Variants in ANKMY1 observed in about 807,000 individuals in gnomAD.
ANKMY1 encodes ankyrin repeat and MYND domain-containing protein 1.
A neutral mutation model predicts 102.0 loss-of-function variants in ANKMY1; 98 were observed. The observed-to-expected ratio is 0.96, with a 90% CI of 0.82 to 1.14. ANKMY1 has a LOEUF of 1.14. ANKMY1 is among the 50% of genes most tolerant of loss of function. The probability of loss-of-function intolerance (pLI) is 0.00; values close to 1 mark genes in which losing one functional copy is unlikely to be tolerated. For synonymous variants in ANKMY1, 582 were observed against 559.9 expected (o/e 1.04, Z -0.56); for missense variants, 1,330 against 1,347.6 (o/e 0.99, Z 0.20).
chr2:240,499,189 C>T lies in ANKMY1; in HGVS notation c.2806+769G>A, dbSNP rs1041297951. ...GTGTGGGGGCGGGATCAGCAGGTTC[C>T]GGTGTGTGTGTGCACACACGTGTTA... On this transcript the variant is annotated intron_variant, in intron 15 of 17. Transcript: ENST00000401804. This position sits in a 1 kb window ranked among gnomAD's most constrained non-coding sequence, Gnocchi z 4.2. Among the ~76,000 whole-genome samples the T allele has an allele frequency of 6.6e-6, 1 of 152,020 alleles. No homozygotes were observed. The highest frequency in any genetic ancestry group is 2.4e-5 in the African/African-American group (1 of 41,368).
At chr2:240,470,871 T>C in the ANKMY1 span, among the ~76,000 whole-genome samples, 1 of 152,008 alleles carries the variant, frequency 6.6e-6, no homozygotes, top group Admixed American at 6.5e-5. Context: ...AAAAACCTCA[T>C]GTGCTGAAAA....
chr2:240,496,352 TTAGATAGATAGA>T (rs55671912), intron 15 of ANKMY1, among the ~76,000 whole-genome samples: 53,239 of 147,294 alleles, frequency 0.36, 9,656 homozygotes, highest in East Asian at 0.39. Flanking sequence ...GGTACTCTAA[TTAGATAGATAGA>T]TAGATAGATA....
intron 4 of ANKMY1, among the ~76,000 whole-genome samples, chr2:240,544,843 G>C (rs2089947548): frequency 6.6e-6 from 1 of 152,266 alleles, no homozygotes; most frequent in Non-Finnish European, 1.5e-5. Context: ...TCCCGCACCT[G>C]GCTCGGAGGG....
In ANKMY1 at chr2:240,486,320, CACAT is replaced by C. The variant is rs1331727043; in HGVS notation, c.2807-4063_2807-4060del. On this transcript the variant is annotated intron_variant, in intron 15 of 17. Transcript: ENST00000401804. ...GCAACCACACACGCATGCACACACA[CACAT>C]AATATATAAATTCAATGCATACATA... is the stretch of plus-strand genomic sequence containing the variant. Among the ~76,000 whole-genome samples, 107 of 152,260 alleles carry C rather than the reference CACAT, an allele frequency of 7.0e-4. 1 individual carries two copies. The highest frequency in any genetic ancestry group is 2.6e-3 in the African/African-American group (106 of 41,540).
rs748286264 is a variant in ANKMY1 at position 240,520,543 on chromosome 2, A to C, written c.1833-10T>G. 1 of 1,607,932 alleles carries C rather than the reference A, an allele frequency of 6.2e-7. No homozygotes were observed. The highest frequency in any genetic ancestry group is 8.5e-7 in the Non-Finnish European group (1 of 1,176,796). ...CCAGCGCTTCCTCCGCCTGAAAAAG[A>C]CGGTGCGCCCGTGGGCCCCTGGAGG... On this transcript the variant is annotated splice_polypyrimidine_tract_variant and intron_variant, in intron 8 of 17. Coordinates refer to ENST00000401804, the MANE Select transcript of ANKMY1 (RefSeq NM_001282771.3). The surrounding 1 kb of genome is among the most constrained non-coding windows in gnomAD (Gnocchi z 4.8).
At position 240,506,555 on chromosome 2, in the gene ANKMY1, C is replaced by G. The variant is rs193043316; in HGVS notation, c.2526+1005G>C. The stretch of plus-strand genomic sequence containing the variant: ...CTCAGTTCTTTTAAGTAAAGCTACC[C>G]TTTTGTGACGTCAAACAACCTTCCA... On this transcript the variant is annotated intron_variant, in intron 13 of 17. Transcript: ENST00000401804. The surrounding 1 kb of genome is among the most constrained non-coding windows in gnomAD (Gnocchi z 4.9). Among the ~76,000 whole-genome samples the G allele has an allele frequency of 1.8e-3, 274 of 152,268 alleles. No individual in the cohort carries two copies. Among genetic ancestry groups the G allele is most frequent in the Non-Finnish European group, 2.4e-3 (162 of 68,026 alleles).
chr2:240,519,911 G>T (rs1161992257), intron 9 of ANKMY1: 2 of 264,028 alleles, frequency 7.6e-6, no homozygotes, highest in African/African-American at 2.3e-5. Context: ...CCCCTTCGAA[G>T]ATTTTTTCTC....
At chr2:240,498,841 C>G (rs2077650955) in intron 15 of ANKMY1, among the ~76,000 whole-genome samples, 1 of 152,064 alleles carries the variant, frequency 6.6e-6, no homozygotes, top group Non-Finnish European at 1.5e-5. Context: ...GCCTGGGACA[C>G]CCCCGCCTTC....
chr2:240,559,127 C>T (rs984121195), upstream of ANKMY1, among the ~76,000 whole-genome samples: 1 of 152,122 alleles, frequency 6.6e-6, no homozygotes, highest in African/African-American at 2.4e-5. Flanking sequence ...GAGGCTGGCC[C>T]AGACTAAGTG....
chr2:240,505,461 CAA>C (rs540912833), intron 13 of ANKMY1, among the ~76,000 whole-genome samples: 8 of 137,308 alleles, frequency 5.8e-5, no homozygotes, highest in Non-Finnish European at 7.9e-5. Context: ...GACTCTGACT[CAA>C]AAAAAAAAAA....
At chr2:240,521,480 C>T (rs1360734411) in intron 8 of ANKMY1, among the ~76,000 whole-genome samples, 1 of 127,952 alleles carries the variant, frequency 7.8e-6, no homozygotes, top group African/African-American at 2.9e-5. Context: ...GCGGAACTCG[C>T]GGTGTTACAG....
At chr2:240,493,385 A>T (rs2076874145) in intron 15 of ANKMY1, among the ~76,000 whole-genome samples, 1 of 152,130 alleles carries the variant, frequency 6.6e-6, no homozygotes, top group African/African-American at 2.4e-5. Context: ...ATTCCTTTGA[A>T]GGTGTCATAT....
In ANKMY1 at chr2:240,529,032, G is replaced by C; in HGVS notation, c.953+5C>G. 6.2e-7 allele frequency: 1 copy of C among 1,613,336 alleles called. No individual in the cohort carries two copies. The highest frequency in any genetic ancestry group is 8.5e-7 in the Non-Finnish European group (1 of 1,179,378). On this transcript the variant is annotated splice_donor_5th_base_variant and intron_variant, in intron 5 of 17. Coordinates refer to ENST00000401804, the MANE Select transcript of ANKMY1 (RefSeq NM_001282771.3). This position sits in a 1 kb window ranked among gnomAD's most constrained non-coding sequence, Gnocchi z 4.2. ...CTAGGGGAGGAGCAGTAGCAGACTAGTCACCTGAACTTGTAAGTTTGCTTC... is the reference window on the plus strand; with the variant it reads ...CTAGGGGAGGAGCAGTAGCAGACTACTCACCTGAACTTGTAAGTTTGCTTC...
At chr2:240,500,194 TCG>T in intron 14 of ANKMY1, 71 bp from the exon 15 acceptor site, 1 of 1,471,350 alleles carries the variant, frequency 6.8e-7, no homozygotes, top group Non-Finnish European at 9.0e-7. Context: ...CTCTCGGTGA[TCG>T]AGGGCTCCTG....
chr2:240,511,906 G>GC lies in ANKMY1; in HGVS notation c.2240dup (p.Arg748GlnfsTer13), dbSNP rs758500484. The GC allele has an allele frequency of 6.3e-7, 1 of 1,586,106 alleles. No individual in the cohort carries two copies. Among genetic ancestry groups the GC allele is most frequent in the South Asian group, 1.1e-5 (1 of 89,804 alleles). ...CGCAGGCCATGTGCAGAGCCGTCCTGCCCCCCTCCTCCGGGAGGGCTGTGT... is the reference window on the plus strand; with the variant it reads ...CGCAGGCCATGTGCAGAGCCGTCCTGCCCCCCCTCCTCCGGGAGGGCTGTGT... On this transcript the variant is annotated frameshift_variant, in exon 11 of 18. Transcript: ENST00000401804. LOFTEE classifies it high-confidence loss of function.
chr2:240,509,257 C>T lies in ANKMY1; in HGVS notation c.2394+91G>A, dbSNP rs2079665891. 8.2e-6 allele frequency: 9 copies of T among 1,095,076 alleles called. No homozygotes were observed. In the East Asian group the frequency reaches 2.5e-4, roughly 31 times the overall value. The allele number at this position is 1,095,076 out of a possible 1,614,324, so 67.8% of individuals were successfully genotyped here. A position where few individuals can be genotyped will look rare whatever the true frequency, so the allele number is the denominator to read the frequency against. On this transcript the variant is annotated intron_variant, in intron 12 of 17. Coordinates refer to ENST00000401804, the MANE Select transcript of ANKMY1 (RefSeq NM_001282771.3). Reference sequence around the variant, plus strand: ...GATGGATGGATGGATAAATGGCCAACAACTTCAAATCCCAATGACGGACTG... The same window carrying T: ...GATGGATGGATGGATAAATGGCCAATAACTTCAAATCCCAATGACGGACTG...
chr2:240,544,720 C>T (rs1251799813), intron 4 of ANKMY1, among the ~76,000 whole-genome samples: 1 of 152,224 alleles, frequency 6.6e-6, no homozygotes, highest in African/African-American at 2.4e-5. Flanking sequence ...CAGGGAGTTC[C>T]CTTTCCTAGT....
At chr2:240,556,445 T>A (rs1286630187) in intron 2 of ANKMY1, among the ~76,000 whole-genome samples, 1 of 152,176 alleles carries the variant, frequency 6.6e-6, no homozygotes, top group Non-Finnish European at 1.5e-5. Context: ...CCAGTTACTC[T>A]CCGATAAGTT....
intron 9 of ANKMY1, among the ~76,000 whole-genome samples, chr2:240,515,097 G>T (rs2080936507): frequency 6.6e-6 from 1 of 152,228 alleles, no homozygotes; most frequent in South Asian, 2.1e-4. Flanking sequence ...ACATGAGATT[G>T]CAAGGGGCAA....
Sources: allele counts gnomAD v4.1 joint callset (sites outside exome capture counted in the v4.1 genomes callset), GRCh38; gene constraint gnomAD v4.1.1; non-coding constraint Gnocchi (gnomAD v3.1); transcripts MANE v1.5; gene names NCBI Gene and HGNC (gene_info 2026-07-23, HGNC 2026-07-21).